Variants in ANO2 observed in about 807,000 individuals in gnomAD.
ANO2 encodes the protein anoctamin-2.
A neutral mutation model predicts 124.2 loss-of-function variants in ANO2; 101 were observed. That is an observed-to-expected ratio of 0.81 (90% CI 0.69 to 0.96). ANO2 has a LOEUF of 0.96. ANO2 is among the 40% of genes least tolerant of loss of function. The pLI, the probability that ANO2 is intolerant of heterozygous loss-of-function variation, is 0.00. For synonymous variants in ANO2, 486 were observed against 482.5 expected, an observed-to-expected ratio of 1.01 and a Z score of -0.09; for missense variants, 1,293 against 1,274.5, an observed-to-expected ratio of 1.01 and a Z score of -0.22.
chr12:5,788,999 G>A (rs550446012), intron 10 of ANO2, among the ~76,000 whole-genome samples: 15 of 152,278 alleles, frequency 9.9e-5, no homozygotes, highest in Admixed American at 5.9e-4. Context: ...GCTGCTAGCC[G>A]GCTGTCAGAG....
chr12:5,923,112 ATGCACG>A (rs1565783656), intron 1 of ANO2, among the ~76,000 whole-genome samples: 10 of 33,852 alleles, frequency 3.0e-4, no homozygotes, highest in East Asian at 4.5e-3. Flanking sequence ...ATACACACAC[ATGCACG>A]CACACACACC....
rs568032584 is a variant in ANO2, at chr12:5,768,442, G to C, written c.1056-17472C>G. Among the ~76,000 whole-genome samples, 3 of 152,322 alleles carry C rather than the reference G, an allele frequency of 2.0e-5. No individual in the cohort carries two copies. The East Asian group carries it at 5.8e-4, about 29-fold the overall frequency. Reference sequence around the variant, plus strand: ...GAGCAGAAGTGTTGTTGGAAGAGAAGAGAGTCTATATCAAAAGGGATTTCA... The same window carrying C: ...GAGCAGAAGTGTTGTTGGAAGAGAACAGAGTCTATATCAAAAGGGATTTCA... On this transcript the variant is annotated intron_variant, in intron 10 of 24. Coordinates refer to ENST00000682330, the MANE Select transcript of ANO2 (RefSeq NM_001364791.2).
chr12:5,687,054 G>C (rs563986648), intron 14 of ANO2, among the ~76,000 whole-genome samples: 22 of 152,324 alleles, frequency 1.4e-4, no homozygotes, highest in African/African-American at 4.8e-4. Context: ...GAGAAAGAGG[G>C]ATGCCATCTA....
chr12:5,843,596 A>G (rs2137237167), intron 4 of ANO2, among the ~76,000 whole-genome samples: 1 of 152,304 alleles, frequency 6.6e-6, no homozygotes, highest in Middle Eastern at 3.4e-3. Context: ...CAACAAACTC[A>G]GAGAATTTCT....
At chr12:5,569,428 C>G (rs922399142) in intron 23 of ANO2, among the ~76,000 whole-genome samples, 3 of 152,194 alleles carry the variant, frequency 2.0e-5, no homozygotes, top group African/African-American at 7.2e-5. Flanking sequence ...CTCACCCTCA[C>G]CCCTCCAGTC....
At chr12:5,709,195 C>T (rs979259882) in intron 14 of ANO2, among the ~76,000 whole-genome samples, 8 of 152,206 alleles carry the variant, frequency 5.3e-5, no homozygotes, top group African/African-American at 1.9e-4. Flanking sequence ...CCACAGAGCT[C>T]GATAGTTGTT....
intron 3 of ANO2, among the ~76,000 whole-genome samples, chr12:5,916,064 G>A (rs751198542): frequency 7.2e-5 from 11 of 152,006 alleles, no homozygotes; most frequent in East Asian, 1.9e-4. Context: ...ATCTCTTGAG[G>A]TCAGGAGTTC....
At chr12:5,637,597 C>A (rs139435476) in intron 15 of ANO2, among the ~76,000 whole-genome samples, 1 of 152,084 alleles carries the variant, frequency 6.6e-6, no homozygotes, top group Non-Finnish European at 1.5e-5. Context: ...GATTGAAATG[C>A]GGAATCTCAA....
intron 14 of ANO2, among the ~76,000 whole-genome samples, chr12:5,694,577 C>T (rs373126094): frequency 6.6e-6 from 1 of 152,282 alleles, no homozygotes; most frequent in East Asian, 1.9e-4. Flanking sequence ...CCCTCTCGGC[C>T]TCAGTTTCCC....
chr12:5,931,862 A>G (rs1591810196), intron 1 of ANO2, among the ~76,000 whole-genome samples: 1 of 117,628 alleles, frequency 8.5e-6, no homozygotes, highest in African/African-American at 3.2e-5. Flanking sequence ...TAATAAGGAA[A>G]GAAGGCAGAC....
At position 5,749,260 on chromosome 12, in the gene ANO2, C is replaced by T. The variant is rs1219304130; in HGVS notation, c.1190+1576G>A. 3.3e-5 allele frequency among the ~76,000 whole-genome samples: 5 copies of T among 152,288 alleles called. 1 individual carries two copies. The highest frequency in any genetic ancestry group is 4.1e-4 in the South Asian group (2 of 4,824). On this transcript the variant is annotated intron_variant, in intron 11 of 24. Coordinates refer to ENST00000682330, the MANE Select transcript of ANO2 (RefSeq NM_001364791.2). ...ATTACCACCCCCAACTCTAATGATCCGCCCAGTGTCCTCATCCACCTGCCT... is the reference window on the plus strand; with the variant it reads ...ATTACCACCCCCAACTCTAATGATCTGCCCAGTGTCCTCATCCACCTGCCT...
intron 2 of ANO2, 136 bp downstream of exon 2, chr12:5,922,484 G>C: frequency 3.1e-6 from 3 of 979,934 alleles, no homozygotes; most frequent in Non-Finnish European, 4.3e-6. Flanking sequence ...AAGAGAAAAG[G>C]CCCTACCCAA....
At chr12:5,861,359 C>T (rs548874061) in intron 3 of ANO2, among the ~76,000 whole-genome samples, 3 of 152,182 alleles carry the variant, frequency 2.0e-5, no homozygotes, top group Admixed American at 2.0e-4. Context: ...GGTTCGTACC[C>T]CCAGCCACCT....
intron 1 of ANO2, among the ~76,000 whole-genome samples, chr12:5,926,898 GAGA>G (rs1001768560): frequency 1.3e-5 from 2 of 152,174 alleles, no homozygotes; most frequent in Admixed American, 1.3e-4. Context: ...GGTGATTTGG[GAGA>G]AGGTGTCATT....
chr12:5,719,881 G>A (rs972036753), intron 14 of ANO2, among the ~76,000 whole-genome samples: 3 of 152,096 alleles, frequency 2.0e-5, no homozygotes, highest in Admixed American at 6.6e-5. Flanking sequence ...ACCCCTTCTG[G>A]GCTGCCTTCC....
At chr12:5,826,437 C>CATATATAT (rs10526567) in intron 7 of ANO2, among the ~76,000 whole-genome samples, 26 of 144,292 alleles carry the variant, frequency 1.8e-4, no homozygotes, top group African/African-American at 4.1e-4. Context: ...TTAATAAACT[C>CATATATAT]ATATATATAT....
At chr12:5,877,317 A>C (rs11063897) in intron 3 of ANO2, among the ~76,000 whole-genome samples, 2 of 151,928 alleles carry the variant, frequency 1.3e-5, no homozygotes, top group Non-Finnish European at 2.9e-5. Context: ...GGAGACGGCC[A>C]TGTGACGATT....
rs577184938 is a variant in ANO2 at position 5,584,301 on chromosome 12, G to A, written c.2234-5783C>T. Among the ~76,000 whole-genome samples the A allele has an allele frequency of 2.6e-5, 4 of 152,060 alleles. No homozygotes were observed. The South Asian group carries it at 8.3e-4, about 32-fold the overall frequency. ...ACCAACCTTCCCCAGAGCTCCCGGAGGGCCCTTTCTCCTCACTAACAGGTT... is the reference window on the plus strand; with the variant it reads ...ACCAACCTTCCCCAGAGCTCCCGGAAGGCCCTTTCTCCTCACTAACAGGTT... On this transcript the variant is annotated intron_variant, in intron 20 of 24. Coordinates refer to ENST00000682330, the MANE Select transcript of ANO2 (RefSeq NM_001364791.2).
chr12:5,880,900 G>GGGATGGAT (rs367583083), intron 3 of ANO2, among the ~76,000 whole-genome samples: 16 of 142,522 alleles, frequency 1.1e-4, no homozygotes, highest in African/African-American at 3.7e-4. Flanking sequence ...GGGTAGGTGG[G>GGGATGGAT]GGATGGATGG....
Sources: allele counts gnomAD v4.1 joint callset (sites outside exome capture counted in the v4.1 genomes callset), GRCh38; gene constraint gnomAD v4.1.1; transcripts MANE v1.5; gene names NCBI Gene and HGNC (gene_info 2026-07-23, HGNC 2026-07-21).